The following AKNAD1 variants were observed in gnomAD, a reference collection of about 807,000 sequenced individuals.
AKNAD1 encodes the protein AKNA domain containing 1.
In AKNAD1, 67 loss-of-function variants were observed where a neutral mutation model predicts 90.8. The ratio of observed to expected loss-of-function variants is 0.74; its 90% confidence interval spans 0.61 to 0.90. The LOEUF is 0.90. Ranked by LOEUF, AKNAD1 falls within the 40% of genes least tolerant of loss-of-function variation. The pLI is 0.00. For synonymous variants in AKNAD1, 327 were observed against 341.4 expected, an observed-to-expected ratio of 0.96 and a Z score of 0.46; for missense variants, 957 against 975.4, an observed-to-expected ratio of 0.98 and a Z score of 0.25.
At chr1:108,847,410 T>G (rs1049655087) in intron 5 of AKNAD1, among the ~76,000 whole-genome samples, 1 of 147,404 alleles carries the variant, frequency 6.8e-6, no homozygotes, top group African/African-American at 2.5e-5. Flanking sequence ...ATCACACCAC[T>G]GCACTCTAGC....
chr1:108,826,032 C>T (rs1340543918), intron 11 of AKNAD1, among the ~76,000 whole-genome samples: 1 of 151,622 alleles, frequency 6.6e-6, no homozygotes, highest in East Asian at 2.0e-4. Flanking sequence ...AAAGGAAGGA[C>T]CTGGTGGCCC....
At position 108,830,621 on chromosome 1, in the gene AKNAD1, C is replaced by A; in HGVS notation, c.1776G>T (p.Gln592His). Residue 592 changes from glutamine to histidine, a missense_variant, in exon 10 of 16, where the codon CAG becomes CAT. Physicochemically the swap from Gln to His is conservative, Grantham distance 24 (BLOSUM62 0). Transcript: ENST00000370001. Reference sequence around the variant, plus strand: ...TGGGTGCCGTCATCTCTGCACAATCCTGCCTTCTTGGAGTGCCGTTGGGAT... The same window carrying A: ...TGGGTGCCGTCATCTCTGCACAATCATGCCTTCTTGGAGTGCCGTTGGGAT... ...GEDPNGTPRR[Q>H]DCAEMTAPSP... 6.2e-7 allele frequency: 1 copy of A among 1,614,148 alleles called. No homozygotes were observed. The highest frequency in any genetic ancestry group is 2.2e-5 in the East Asian group (1 of 44,874).
At chr1:108,830,863 T>G (rs1392546552) in intron 9 of AKNAD1, 2 of 595,050 alleles carry the variant, frequency 3.4e-6, no homozygotes, top group Admixed American at 2.9e-5. Flanking sequence ...GATGTGTCAC[T>G]CAGTCGGGGC....
At chr1:108,842,806 T>C (rs1664588453) in intron 6 of AKNAD1, among the ~76,000 whole-genome samples, 1 of 152,204 alleles carries the variant, frequency 6.6e-6, no homozygotes, top group Non-Finnish European at 1.5e-5. Context: ...TGAGCCTTTC[T>C]AGGGTTTTCT....
chr1:108,821,523 G>A (rs1663812901), intron 13 of AKNAD1, among the ~76,000 whole-genome samples: 2 of 152,192 alleles, frequency 1.3e-5, no homozygotes, highest in Non-Finnish European at 1.5e-5. Context: ...GGTGCTTGCT[G>A]TGTGATCTGT....
intron 6 of AKNAD1, among the ~76,000 whole-genome samples, chr1:108,839,471 T>TAAAAA (rs3044857): frequency 6.3e-5 from 8 of 126,136 alleles, no homozygotes; most frequent in Non-Finnish European, 9.7e-5. Context: ...TCCGTCTCAA[T>TAAAAA]AAAAAAAAAA....
chr1:108,827,299 C>T lies in AKNAD1; in HGVS notation c.1842G>A (p.Lys614=), dbSNP rs1241615825. 1 of 1,606,598 alleles carries T rather than the reference C, an allele frequency of 6.2e-7. No individual in the cohort carries two copies. The change falls in exon 11 of 16, where the codon AAG becomes AAA. Residue 614 remains lysine, a synonymous_variant. Transcript: ENST00000370001. The part of the protein sequence containing the change: ...CAFCRRLLEW[K]QNVEKKGHGR... ...CGTGGCCCTTTTTCTCCACGTTTTG[C>T]TTCCTAAAAAAAGGTGCATAAGATC...
chr1:108,835,893 GA>G (rs1318714562), intron 7 of AKNAD1, among the ~76,000 whole-genome samples: 1 of 152,164 alleles, frequency 6.6e-6, no homozygotes, highest in Non-Finnish European at 1.5e-5. Flanking sequence ...CAAAGTGCTG[GA>G]ATTACAGGCG....
At chr1:108,825,094 C>T (rs1245991564) in intron 11 of AKNAD1, among the ~76,000 whole-genome samples, 1 of 151,570 alleles carries the variant, frequency 6.6e-6, no homozygotes, top group African/African-American at 2.4e-5. Context: ...GGAACTGAGA[C>T]CTCCTGCCAA....
chr1:108,823,511 C>G, intron 12 of AKNAD1, 34 bp from the exon 13 acceptor site: 1 of 1,609,750 alleles, frequency 6.2e-7, no homozygotes, highest in Non-Finnish European at 8.5e-7. Flanking sequence ...CAGTTAATTG[C>G]CTGGGAACAG....
intron 5 of AKNAD1, among the ~76,000 whole-genome samples, chr1:108,845,874 G>T (rs1164714819): frequency 1.3e-5 from 2 of 152,218 alleles, no homozygotes; most frequent in African/African-American, 4.8e-5. Flanking sequence ...CGAACTGGAA[G>T]CCTGAAGATG....
At chr1:108,844,877 G>A (rs1570821262) in intron 5 of AKNAD1, among the ~76,000 whole-genome samples, 1 of 151,108 alleles carries the variant, frequency 6.6e-6, no homozygotes, top group East Asian at 1.9e-4. Flanking sequence ...GGAGTGCAGT[G>A]GTGTGATTTC....
At chr1:108,826,058 A>G (rs889778881) in intron 11 of AKNAD1, among the ~76,000 whole-genome samples, 1 of 151,710 alleles carries the variant, frequency 6.6e-6, no homozygotes, top group Non-Finnish European at 1.5e-5. Context: ...AAAGGGTTTC[A>G]GGAAACCCCA....
intron 9 of AKNAD1, among the ~76,000 whole-genome samples, chr1:108,834,081 T>G (rs141870924): frequency 1.1e-4 from 16 of 152,324 alleles, no homozygotes; most frequent in Admixed American, 1.0e-3. Context: ...ATTTAAAATG[T>G]GGTCCGCAGA....
At chr1:108,826,736 CTTTTTCTT>C (rs1266235738) in intron 11 of AKNAD1, among the ~76,000 whole-genome samples, 5 of 114,792 alleles carry the variant, frequency 4.4e-5, no homozygotes, top group African/African-American at 7.5e-5. Flanking sequence ...CTTTTCTTTT[CTTTTTCTT>C]TTTTTTTTTT....
chr1:108,826,471 A>G (rs1460512273), intron 11 of AKNAD1, among the ~76,000 whole-genome samples: 1 of 151,690 alleles, frequency 6.6e-6, no homozygotes, highest in African/African-American at 2.4e-5. Flanking sequence ...AAAGCCATTG[A>G]ATTGCGTGTA....
intron 6 of AKNAD1, among the ~76,000 whole-genome samples, chr1:108,839,471 T>TAAAAAAAAAAAGAAA (rs1553203224): frequency 6.3e-5 from 8 of 126,148 alleles, no homozygotes; most frequent in Non-Finnish European, 9.7e-5. Context: ...TCCGTCTCAA[T>TAAAAAAAAAAAGAAA]AAAAAAAAAA....
chr1:108,830,873 C>T (rs2101179108), intron 9 of AKNAD1: 1 of 591,266 alleles, frequency 1.7e-6, no homozygotes. Context: ...TCAGTCGGGG[C>T]TGCGCCTCTA....
Position 108,834,991 on chromosome 1 carries a change from C to T in AKNAD1, c.1602G>A (p.Gly534=), listed in dbSNP as rs1160783095. Reference sequence around the variant, plus strand: ...CCTCCTGCGGCCCTCCTTGGGGTGTCCCTGTTACCTCACTCCCACCTGAGC... The same window carrying T: ...CCTCCTGCGGCCCTCCTTGGGGTGTTCCTGTTACCTCACTCCCACCTGAGC... ...PRGSGGSEVT[G]TPQGGPQEAP... The change falls in exon 8 of 16, where the codon GGG becomes GGA. Residue 534 remains glycine (G), a synonymous_variant. Transcript: ENST00000370001. The T allele has an allele frequency of 1.3e-6, 2 of 1,566,496 alleles. No individual in the cohort carries two copies. The highest frequency in any genetic ancestry group is 1.7e-6 in the Non-Finnish European group (2 of 1,164,012).
Sources: gnomAD v4.1 joint callset for allele counts (sites outside exome capture counted in the v4.1 genomes callset) on GRCh38, gnomAD v4.1.1 for gene constraint, MANE v1.5 for transcripts, NCBI Gene and HGNC (gene_info 2026-07-23, HGNC 2026-07-21) for gene names.